PRIM2: variants seen among roughly 807,000 people sequenced by gnomAD.
PRIM2 encodes the protein DNA primase large subunit.
PRIM2 carries 39 observed loss-of-function variants against 67.3 expected under a neutral mutation model. The observed-to-expected ratio is 0.58, with a 90% confidence interval of 0.45 to 0.76. PRIM2 has a LOEUF of 0.76. Among genes scored for constraint, PRIM2 ranks in the 30% least tolerant of loss-of-function variants. The probability of loss-of-function intolerance (pLI) is 0.00; values close to 1 mark genes in which losing one functional copy is unlikely to be tolerated. For missense variants in PRIM2, 398 were observed against 598.7 expected (o/e 0.66, Z 3.50); for synonymous variants, 143 against 198.7 (o/e 0.72, Z 2.36).
At chr6:57,633,103 T>TG (rs1265665051) in intron 13 of PRIM2, among the ~76,000 whole-genome samples, 1 of 152,190 alleles carries the variant, frequency 6.6e-6, no homozygotes, top group East Asian at 1.9e-4. Flanking sequence ...GGCAGAATTA[T>TG]GGTGCACTAA....
chr6:57,264,432 C>G, the PRIM2 span, among the ~76,000 whole-genome samples: 3 of 151,914 alleles, frequency 2.0e-5, no homozygotes, highest in Non-Finnish European at 4.4e-5. Context: ...TTTCATTGTT[C>G]CTGGAGTGCT....
At chr6:57,541,727 A>C (rs1775158359) in intron 10 of PRIM2, among the ~76,000 whole-genome samples, 1 of 152,148 alleles carries the variant, frequency 6.6e-6, no homozygotes. Context: ...GCCCCAGTTT[A>C]AGGAAGTCAG....
intron 10 of PRIM2, 49 bp from the exon 11 acceptor site, chr6:57,601,044 G>A (rs1169773405): frequency 8.4e-5 from 129 of 1,530,086 alleles, no homozygotes; most frequent in Non-Finnish European, 1.1e-4. Flanking sequence ...GACCTCACTA[G>A]TATAATTATT....
At chr6:57,437,919 A>C (rs1234450391) in intron 7 of PRIM2, among the ~76,000 whole-genome samples, 2 of 152,062 alleles carry the variant, frequency 1.3e-5, no homozygotes, top group South Asian at 4.1e-4. Context: ...AGCTTCCCCA[A>C]ATGCTGGAAT....
At chr6:57,233,216 G>A in the PRIM2 span, among the ~76,000 whole-genome samples, 3 of 152,274 alleles carry the variant, frequency 2.0e-5, no homozygotes, top group East Asian at 1.9e-4. Flanking sequence ...TCTGGGATGA[G>A]TTTCCATAAA....
chr6:57,535,992 A>G (rs1774993949), intron 9 of PRIM2, among the ~76,000 whole-genome samples: 1 of 152,234 alleles, frequency 6.6e-6, no homozygotes, highest in Non-Finnish European at 1.5e-5. Context: ...AAAAAATCAG[A>G]TATTAATATG....
chr6:57,316,177 T>G (rs1297994528), upstream of PRIM2, among the ~76,000 whole-genome samples: 1 of 152,164 alleles, frequency 6.6e-6, no homozygotes, highest in African/African-American at 2.4e-5. Context: ...TTTAATATAA[T>G]AACCTTTGGG....
Position 57,619,723 on chromosome 6 carries a change from A to T in PRIM2, c.1231-12410A>T, listed in dbSNP as rs1483505833. Among the ~76,000 whole-genome samples the T allele has an allele frequency of 2.6e-5, 4 of 152,312 alleles. No individual in the cohort carries two copies. The East Asian group carries it at 7.7e-4, about 29-fold the overall frequency. On this transcript the variant is annotated intron_variant, in intron 12 of 13. Transcript: ENST00000615550. ...AACCCAATCCAACAAAGACAAAGAA[A>T]AAAGAATAAGAAAATATGAACAAAG...
rs1184086201 is a variant in PRIM2, at chr6:57,529,320, A to G, written c.762-3091A>G. Among the ~76,000 whole-genome samples the G allele has an allele frequency of 2.0e-5, 3 of 152,232 alleles. No individual in the cohort carries two copies. In the East Asian group the frequency reaches 5.8e-4, roughly 29 times the overall value. ...CAGAGCGAGACTCCGTCTCAAAAAA[A>G]AAAAACAAAAAACCAAGAACGTGTC... On this transcript the variant is annotated intron_variant, in intron 8 of 13. Coordinates refer to ENST00000615550, the MANE Select transcript of PRIM2 (RefSeq NM_000947.5).
At position 57,319,578 on chromosome 6, in the gene PRIM2, G is replaced by A. The variant is rs4715651; in HGVS notation, c.155-879G>A. The stretch of plus-strand genomic sequence containing the variant: ...GATTGAAAAGTGTCCCTTGGGTTTG[G>A]CACTTGAGGTGAAATGATAAGGGCC... On this transcript the variant is annotated intron_variant, in intron 2 of 13. Coordinates refer to ENST00000615550, the MANE Select transcript of PRIM2 (RefSeq NM_000947.5). 7.5e-3 allele frequency among the ~76,000 whole-genome samples: 1,149 copies of A among 152,288 alleles called. 40 individuals are homozygous for A. Among genetic ancestry groups the A allele is most frequent in the Admixed American group, 0.056 (863 of 15,300 alleles).
the PRIM2 span, among the ~76,000 whole-genome samples, chr6:57,281,949 T>C: frequency 6.6e-6 from 1 of 152,212 alleles, no homozygotes; most frequent in Non-Finnish European, 1.5e-5. Flanking sequence ...TGATTTATGC[T>C]CAATTCTAAA....
At chr6:57,539,787 A>G (rs1775105515) in intron 10 of PRIM2, among the ~76,000 whole-genome samples, 1 of 152,006 alleles carries the variant, frequency 6.6e-6, no homozygotes, top group Non-Finnish European at 1.5e-5. Flanking sequence ...TGAGGTCAGG[A>G]GTTCAAGACC....
intron 3 of PRIM2, among the ~76,000 whole-genome samples, chr6:57,323,714 A>G (rs1767738338): frequency 6.6e-6 from 1 of 151,878 alleles, no homozygotes; most frequent in Admixed American, 6.6e-5. Flanking sequence ...GCAAACCACC[A>G]TGGCACACGT....
At chr6:57,439,324 C>T (rs1052403268) in intron 7 of PRIM2, among the ~76,000 whole-genome samples, 22 of 126,782 alleles carry the variant, frequency 1.7e-4, no homozygotes, top group Non-Finnish European at 3.1e-4. Context: ...TGTATTCTGG[C>T]CAGTAGTTTG....
At chr6:57,299,061 T>C in the PRIM2 span, among the ~76,000 whole-genome samples, 1 of 151,208 alleles carries the variant, frequency 6.6e-6, no homozygotes. Context: ...TTTCTCTCTC[T>C]CTTTCTCTCT....
the PRIM2 span, among the ~76,000 whole-genome samples, chr6:57,241,780 C>A: frequency 6.7e-6 from 1 of 149,022 alleles, no homozygotes; most frequent in Non-Finnish European, 1.5e-5. Context: ...TCACGCCATT[C>A]TCCTGCCTCA....
intron 3 of PRIM2, among the ~76,000 whole-genome samples, chr6:57,321,054 A>T (rs549664301): frequency 6.6e-6 from 1 of 152,188 alleles, no homozygotes; most frequent in South Asian, 2.1e-4. Flanking sequence ...GATGACTGCC[A>T]GCAGCAGATT....
intron 9 of PRIM2, among the ~76,000 whole-genome samples, chr6:57,536,243 G>A (rs1230386424): frequency 6.6e-6 from 1 of 152,214 alleles, no homozygotes; most frequent in Non-Finnish European, 1.5e-5. Flanking sequence ...ATGTGAGGGA[G>A]TAAGAATTTA....
chr6:57,338,324 T>G (rs1768337293), intron 5 of PRIM2, among the ~76,000 whole-genome samples: 1 of 151,896 alleles, frequency 6.6e-6, no homozygotes, highest in Admixed American at 6.6e-5. Context: ...GTCCAATGAA[T>G]AGAAAAAGAG....
Sources: gnomAD v4.1 joint callset for allele counts (sites outside exome capture counted in the v4.1 genomes callset) on GRCh38, gnomAD v4.1.1 for gene constraint, MANE v1.5 for transcripts, NCBI Gene and HGNC (gene_info 2026-07-23, HGNC 2026-07-21) for gene names.